Variants in MGAM2 observed in about 807,000 individuals in gnomAD.
MGAM2 encodes the protein maltase-glucoamylase 2 (putative).
A neutral mutation model predicts 96.1 loss-of-function variants in MGAM2; 98 were observed. The observed-to-expected ratio is 1.02, with a 90% CI of 0.87 to 1.21. The LOEUF is 1.21. Among genes scored for constraint, MGAM2 ranks in the 50% most tolerant of loss-of-function variants. The pLI is 0.00. For missense variants in MGAM2, 2,055 were observed against 1,182.4 expected (o/e 1.74, Z -10.82); for synonymous variants, 749 against 414.8 (o/e 1.81, Z -9.79).
At position 142,220,781 on chromosome 7, in the gene MGAM2, T is replaced by G. The variant is rs777188646; in HGVS notation, c.6270T>G (p.Thr2090=). The G allele has an allele frequency of 1.1e-4, 79 of 702,128 alleles. No individual in the cohort carries two copies. The highest frequency in any genetic ancestry group is 1.1e-3 in the South Asian group (75 of 67,602). The allele number at this position is 702,128 out of a possible 1,614,324, so 43.5% of individuals were successfully genotyped here. A position where few individuals can be genotyped will look rare whatever the true frequency, so the allele number is the denominator to read the frequency against. The part of the protein sequence containing the change: ...NTTMPSPTSS[T]TVSTIATVPI... ...CTATGCCTTCTCCTACAAGTAGTAC[T>G]ACTGTGAGTACTATTGCTACCGTTC... Residue 2090 remains threonine (T), a synonymous_variant, in exon 48 of 48, where the codon ACT becomes ACG. Coordinates refer to ENST00000477922, the MANE Select transcript of MGAM2 (RefSeq NM_001293626.2).
intron 1 of MGAM2, among the ~76,000 whole-genome samples, chr7:142,114,990 T>TG (rs1169234515): frequency 2.0e-5 from 3 of 151,700 alleles, no homozygotes; most frequent in African/African-American, 7.3e-5. Flanking sequence ...CCGAGGTAAG[T>TG]GGATCATTTA....
Position 142,158,478 on chromosome 7 carries a change from T to A in MGAM2, c.2163+146T>A, listed in dbSNP as rs184481618. 943 of 584,382 alleles carry A rather than the reference T, an allele frequency of 1.6e-3. 4 individuals are homozygous for A. Among genetic ancestry groups the A allele is most frequent in the African/African-American group, 0.016 (854 of 53,632 alleles). The allele number at this position is 584,382 out of a possible 1,614,324, so 36.2% of individuals were successfully genotyped here. On this transcript the variant is annotated intron_variant, in intron 19 of 47. Transcript: ENST00000477922. Reference sequence around the variant, plus strand: ...AGCTCATGAAAGTTTAGAAATTTTTTAAAAAGTAGTAAATCTTGGTCCCAT... The same window carrying A: ...AGCTCATGAAAGTTTAGAAATTTTTAAAAAAGTAGTAAATCTTGGTCCCAT...
At chr7:142,130,636 G>A (rs935594768) in intron 3 of MGAM2, among the ~76,000 whole-genome samples, 9 of 152,262 alleles carry the variant, frequency 5.9e-5, no homozygotes, top group African/African-American at 2.2e-4. Flanking sequence ...GACACACTTG[G>A]TGGAGCCCTC....
At chr7:142,142,386 G>A (rs537833635) in intron 12 of MGAM2, among the ~76,000 whole-genome samples, 4 of 152,122 alleles carry the variant, frequency 2.6e-5, no homozygotes, top group African/African-American at 9.6e-5. Flanking sequence ...TCATATTTGA[G>A]TGATATATAA....
chr7:142,125,405 A>T (rs1794704037), intron 3 of MGAM2, among the ~76,000 whole-genome samples: 1 of 152,144 alleles, frequency 6.6e-6, no homozygotes, highest in African/African-American at 2.4e-5. Flanking sequence ...CTTTTTATAG[A>T]GGTCTGTGGA....
At chr7:142,156,437 A>C (rs1795740459) in intron 17 of MGAM2, among the ~76,000 whole-genome samples, 1 of 152,192 alleles carries the variant, frequency 6.6e-6, no homozygotes, top group South Asian at 2.1e-4. Flanking sequence ...CAAAGCAATA[A>C]AGTTGGTTTA....
chr7:142,115,091 C>G (rs1440305590), intron 1 of MGAM2, among the ~76,000 whole-genome samples: 4 of 152,164 alleles, frequency 2.6e-5, no homozygotes, highest in Non-Finnish European at 4.4e-5. Context: ...GTGGCATGCA[C>G]TTGTAGTCCC....
intron 2 of MGAM2, among the ~76,000 whole-genome samples, chr7:142,118,633 T>G (rs958927652): frequency 9.9e-5 from 15 of 152,142 alleles, no homozygotes; most frequent in African/African-American, 3.6e-4. Context: ...CAATGTTGAG[T>G]GAAGATGTGT....
intron 29 of MGAM2, 122 bp from the exon 30 acceptor site, chr7:142,172,530 A>G (rs540449399): frequency 7.0e-4 from 406 of 581,408 alleles, no homozygotes; most frequent in Non-Finnish European, 1.1e-3. Flanking sequence ...ATGAGAGAAG[A>G]CTTTCTAGAG....
chr7:142,169,181 A>C (rs796886367), intron 26 of MGAM2, among the ~76,000 whole-genome samples: 48 of 152,266 alleles, frequency 3.2e-4, no homozygotes, highest in African/African-American at 1.1e-3. Context: ...CTGTAATCCC[A>C]ACACTATGGG....
intron 29 of MGAM2, 49 bp from the exon 30 acceptor site, chr7:142,172,603 C>A (rs1188875003): frequency 3.1e-6 from 2 of 639,248 alleles, no homozygotes; most frequent in Non-Finnish European, 5.6e-6. Context: ...TCTATCTGGG[C>A]AATTTACAAC....
intron 3 of MGAM2, among the ~76,000 whole-genome samples, chr7:142,127,641 T>A (rs1794765722): frequency 6.6e-6 from 1 of 152,098 alleles, no homozygotes; most frequent in South Asian, 2.1e-4. Flanking sequence ...CCCCATACTG[T>A]TCTTATGGTA....
intron 45 of MGAM2, among the ~76,000 whole-genome samples, chr7:142,202,213 T>C (rs1242293344): frequency 1.3e-5 from 2 of 152,214 alleles, no homozygotes; most frequent in Admixed American, 6.5e-5. Context: ...TAGAAAGAAG[T>C]ACTGCTGTCC....
At position 142,220,815 on chromosome 7, in the gene MGAM2, G is replaced by A; in HGVS notation, c.6304G>A (p.Val2102Met). ...VSTIATVPIS[V>M]TPSLTSTADA... is the part of the protein sequence containing the mutation. ...TACTATTGCTACCGTTCCCATTTCA[G>A]TGACTCCTTCTCTGACAAGTACTGC... Residue 2102 changes from valine (V) to methionine (M), a missense_variant, in exon 48 of 48, where the codon GTG (valine) becomes ATG (methionine). Physicochemically the swap from Val to Met is conservative, Grantham distance 21. Transcript: ENST00000477922. 1 of 702,098 alleles carries A rather than the reference G, an allele frequency of 1.4e-6. No homozygotes were observed. The highest frequency in any genetic ancestry group is 2.6e-6 in the Non-Finnish European group (1 of 384,752). The allele number at this position is 702,098 out of a possible 1,614,324, so 43.5% of individuals were successfully genotyped here.
chr7:142,129,602 A>G (rs544314167), intron 3 of MGAM2, among the ~76,000 whole-genome samples: 2 of 152,030 alleles, frequency 1.3e-5, no homozygotes, highest in Admixed American at 1.3e-4. Flanking sequence ...AGGTGGGTGG[A>G]TCACCTGAGG....
chr7:142,144,931 C>T lies in MGAM2; in HGVS notation c.1502C>T (p.Pro501Leu). Residue 501 changes from proline to leucine, a missense_variant, in exon 14 of 48, where the codon CCT (proline) becomes CTT (leucine). Physicochemically the swap from Pro to Leu is moderately conservative, Grantham distance 98. Coordinates refer to ENST00000477922, the MANE Select transcript of MGAM2 (RefSeq NM_001293626.2). ...NQCESNNLNF[P>L]PFLPRVLDHL... is the part of the protein sequence containing the mutation. ...TGTGAATCCAACAACTTGAACTTTC[C>T]TCCTTTTCTTCCTAGTAAGTTTTCA... 1 of 702,716 alleles carries T rather than the reference C, an allele frequency of 1.4e-6. No individual in the cohort carries two copies. Among genetic ancestry groups the T allele is most frequent in the Non-Finnish European group, 2.6e-6 (1 of 384,874 alleles). 43.5% of individuals were successfully genotyped at this position (702,716 alleles called of 1,614,324 possible).
intron 46 of MGAM2, among the ~76,000 whole-genome samples, chr7:142,212,603 CAAAG>C (rs1354962866): frequency 6.6e-6 from 1 of 152,070 alleles, no homozygotes; most frequent in African/African-American, 2.4e-5. Flanking sequence ...TCAAAAAAGA[CAAAG>C]AAGGCCATTA....
rs971843071 is a variant in MGAM2, at chr7:142,172,774, C to T, written c.3561+10C>T. 1.9e-5 allele frequency: 13 copies of T among 693,196 alleles called. No individual in the cohort carries two copies. Among genetic ancestry groups the T allele is most frequent in the African/African-American group, 1.4e-4 (8 of 56,746 alleles). The allele number at this position is 693,196 out of a possible 1,614,324, so 42.9% of individuals were successfully genotyped here. On this transcript the variant is annotated intron_variant, in intron 30 of 47. Transcript: ENST00000477922. The stretch of plus-strand genomic sequence containing the variant: ...TCAGCAATACACAGAGGTTAGAAGC[C>T]ATTCTGTCCATCAATATATTGTCAA...
intron 46 of MGAM2, among the ~76,000 whole-genome samples, chr7:142,211,237 C>G (rs780632463): frequency 2.0e-5 from 3 of 152,128 alleles, no homozygotes; most frequent in Non-Finnish European, 2.9e-5. Context: ...ATGAGGAAAA[C>G]CCAGTGCAAA....
Sources: gnomAD v4.1 joint callset for allele counts (sites outside exome capture counted in the v4.1 genomes callset) on GRCh38, gnomAD v4.1.1 for gene constraint, MANE v1.5 for transcripts, NCBI Gene and HGNC (gene_info 2026-07-23, HGNC 2026-07-21) for gene names.